The following ERBB4 variants were observed in gnomAD, a reference collection of about 807,000 sequenced individuals.
ERBB4 encodes receptor tyrosine-protein kinase erbB-4.
A neutral mutation model predicts 158.0 loss-of-function variants in ERBB4; 42 were observed. That is an observed-to-expected ratio of 0.27 (90% CI 0.21 to 0.34). The LOEUF is 0.34. ERBB4 is among the 10% of genes least tolerant of loss of function. ERBB4 has a pLI of 1.00. For missense variants in ERBB4, 1,333 were observed against 1,624.1 expected, an observed-to-expected ratio of 0.82 and a Z score of 3.08; for synonymous variants, 583 against 558.7, an observed-to-expected ratio of 1.04 and a Z score of -0.61.
intron 2 of ERBB4, among the ~76,000 whole-genome samples, chr2:212,073,398 A>G (rs1019629283): frequency 5.3e-5 from 8 of 152,006 alleles, no homozygotes; most frequent in African/African-American, 1.7e-4. Flanking sequence ...TAATTAATCC[A>G]TTGGTGAAAG....
At chr2:212,411,937 T>C (rs2091511696) in intron 1 of ERBB4, among the ~76,000 whole-genome samples, 1 of 152,140 alleles carries the variant, frequency 6.6e-6, no homozygotes, top group African/African-American at 2.4e-5. Flanking sequence ...GTAGCCCACA[T>C]CTGGTCTATG....
At chr2:211,401,655 A>T (rs1479313985) in intron 25 of ERBB4, among the ~76,000 whole-genome samples, 1 of 152,046 alleles carries the variant, frequency 6.6e-6, no homozygotes, top group Non-Finnish European at 1.5e-5. Flanking sequence ...CTCTTTAATA[A>T]ATTGAGATCT....
At chr2:211,962,481 G>A (rs1232227280) in intron 2 of ERBB4, among the ~76,000 whole-genome samples, 1 of 152,074 alleles carries the variant, frequency 6.6e-6, no homozygotes, top group Non-Finnish European at 1.5e-5. Context: ...GGGAGGAGAG[G>A]GACTTGATTG....
chr2:212,346,376 TAC>T, intron 1 of ERBB4, among the ~76,000 whole-genome samples: 1 of 152,174 alleles, frequency 6.6e-6, no homozygotes, highest in East Asian at 1.9e-4. Flanking sequence ...TAAAGCCAAA[TAC>T]ATAATGTCCG....
chr2:211,528,425 C>T (rs560426022), intron 20 of ERBB4, among the ~76,000 whole-genome samples: 120 of 151,952 alleles, frequency 7.9e-4, no homozygotes, highest in Non-Finnish European at 1.4e-3. Context: ...TTTCAACACC[C>T]CCACTTTCAG....
At chr2:212,327,141 A>G (rs1171550607) in intron 1 of ERBB4, among the ~76,000 whole-genome samples, 4 of 150,730 alleles carry the variant, frequency 2.7e-5, no homozygotes, top group African/African-American at 9.7e-5. Flanking sequence ...ATACGTGTGA[A>G]GTATACTTCT....
At chr2:211,515,913 T>TATATATATATATATATATATACATATATA (rs71054105) in intron 20 of ERBB4, among the ~76,000 whole-genome samples, 5 of 57,358 alleles carry the variant, frequency 8.7e-5, no homozygotes, top group South Asian at 1.0e-3. Context: ...TATATATATA[T>TATATATATATATATATATATACATATATA]TTTTTTTTTT....
At chr2:212,466,083 A>G (rs1560404484) in intron 1 of ERBB4, among the ~76,000 whole-genome samples, 1 of 152,224 alleles carries the variant, frequency 6.6e-6, no homozygotes, top group African/African-American at 2.4e-5. Flanking sequence ...GTTTTAAATC[A>G]ATGTGTTTTA....
intron 25 of ERBB4, among the ~76,000 whole-genome samples, chr2:211,409,918 G>T (rs565952817): frequency 1.3e-5 from 2 of 152,214 alleles, no homozygotes; most frequent in Admixed American, 6.5e-5. Context: ...CTGACACTCC[G>T]CGAGTACATA....
chr2:212,049,445 C>T (rs761266078), intron 2 of ERBB4, among the ~76,000 whole-genome samples: 2 of 151,948 alleles, frequency 1.3e-5, no homozygotes, highest in African/African-American at 2.4e-5. Context: ...AATTATATAT[C>T]GGTATGCTCT....
chr2:212,249,787 A>G lies in ERBB4; in HGVS notation c.83-124884T>C, dbSNP rs1574518492. On this transcript the variant is annotated intron_variant, in intron 1 of 27. Transcript: ENST00000342788. ...AAACATTGTATTATGCTTGTCAACCAATATACAAGCTGACCTCAGAAACAC... is the reference window on the plus strand; with the variant it reads ...AAACATTGTATTATGCTTGTCAACCGATATACAAGCTGACCTCAGAAACAC... Among the ~76,000 whole-genome samples, 6 of 152,178 alleles carry G rather than the reference A, an allele frequency of 3.9e-5. No individual in the cohort carries two copies. The South Asian group carries it at 1.2e-3, about 32-fold the overall frequency.
intron 4 of ERBB4, among the ~76,000 whole-genome samples, chr2:211,774,596 T>C (rs1458363707): frequency 5.3e-5 from 8 of 152,180 alleles, no homozygotes; most frequent in Non-Finnish European, 8.8e-5. Flanking sequence ...ATTATGCTAC[T>C]TTTGAACGGT....
chr2:211,839,119 AAGAG>A (rs901090068), intron 3 of ERBB4, among the ~76,000 whole-genome samples: 6 of 146,708 alleles, frequency 4.1e-5, no homozygotes, highest in Non-Finnish European at 7.5e-5. Flanking sequence ...GAAAGAAATA[AAGAG>A]AGAGAGAGAG....
At chr2:212,392,333 G>A (rs2090902423) in intron 1 of ERBB4, among the ~76,000 whole-genome samples, 2 of 151,680 alleles carry the variant, frequency 1.3e-5, no homozygotes, top group South Asian at 2.1e-4. Context: ...AAATGAGTCA[G>A]GAAAATGGCA....
chr2:211,948,738 A>G (rs928322438), intron 2 of ERBB4, among the ~76,000 whole-genome samples: 1 of 152,090 alleles, frequency 6.6e-6, no homozygotes, highest in Non-Finnish European at 1.5e-5. Context: ...ATTCTAACTA[A>G]CCCTTTTCAT....
chr2:212,538,430 A>G lies in ERBB4; in HGVS notation c.82+19T>C. On this transcript the variant is annotated intron_variant, in intron 1 of 27. Transcript: ENST00000342788. ...CGGCGGCTGCAGGTTCGGCGACCGG[A>G]GTGCCAGAAGGAACCCACCTGACTG... 1 of 1,611,964 alleles carries G rather than the reference A, an allele frequency of 6.2e-7. No individual in the cohort carries two copies. Among genetic ancestry groups the G allele is most frequent in the Non-Finnish European group, 8.5e-7 (1 of 1,178,170 alleles).
At chr2:211,515,624 A>G (rs2066002230) in intron 20 of ERBB4, among the ~76,000 whole-genome samples, 1 of 151,714 alleles carries the variant, frequency 6.6e-6, no homozygotes, top group African/African-American at 2.4e-5. Flanking sequence ...CTAGGTTGCA[A>G]ACTCACTCTG....
chr2:211,671,358 T>C (rs1389894836), intron 14 of ERBB4, among the ~76,000 whole-genome samples: 2 of 152,114 alleles, frequency 1.3e-5, no homozygotes, highest in Admixed American at 6.5e-5. Flanking sequence ...TAATATTTGC[T>C]GAATAAATGA....
chr2:211,928,528 C>T (rs1389684048), intron 3 of ERBB4, among the ~76,000 whole-genome samples: 1 of 152,152 alleles, frequency 6.6e-6, no homozygotes, highest in Non-Finnish European at 1.5e-5. Context: ...CTTTTGTGTG[C>T]AAACAGAAGT....
Sources: allele counts gnomAD v4.1 joint callset (sites outside exome capture counted in the v4.1 genomes callset), GRCh38; gene constraint gnomAD v4.1.1; transcripts MANE v1.5; gene names NCBI Gene and HGNC (gene_info 2026-07-23, HGNC 2026-07-21).